The following MYCBP2 variants were observed in gnomAD, a reference collection of about 807,000 sequenced individuals.
MYCBP2 encodes MYC binding protein 2.
Under a neutral mutation model 525.3 loss-of-function variants are expected in MYCBP2, and 120 were observed. The observed-to-expected ratio is 0.23, with a 90% confidence interval of 0.20 to 0.27. The LOEUF is 0.27. Ranked by LOEUF, MYCBP2 falls within the 10% of genes least tolerant of loss-of-function variation. The pLI is 1.00. For missense variants in MYCBP2, 4,149 were observed against 5,657.1 expected, an observed-to-expected ratio of 0.73 and a Z score of 8.55; for synonymous variants, 1,894 against 1,955.8, an observed-to-expected ratio of 0.97 and a Z score of 0.83.
chr13:77,205,153 C>A (rs2063179482), intron 26 of MYCBP2, 103 bp downstream of exon 26: 1 of 1,082,566 alleles, frequency 9.2e-7, no homozygotes, highest in South Asian at 3.8e-5. Flanking sequence ...AAAATAAACC[C>A]AGTTAAAAAG....
At chr13:77,206,600 C>A in intron 24 of MYCBP2, 53 bp downstream of exon 24, 37 of 1,420,660 alleles carry the variant, frequency 2.6e-5, no homozygotes, top group East Asian at 1.2e-4. Flanking sequence ...AAAAAAAAAC[C>A]CTGGACAGCA....
intron 75 of MYCBP2, among the ~76,000 whole-genome samples, 172 bp downstream of exon 75, chr13:77,061,490 C>T (rs369810319): frequency 1.8e-3 from 276 of 152,232 alleles, no homozygotes; most frequent in African/African-American, 6.4e-3. Context: ...TTAAGTGTTT[C>T]TAAGGATAAA....
At chr13:77,260,321 A>C in intron 13 of MYCBP2, 107 bp downstream of exon 13, 1 of 754,430 alleles carries the variant, frequency 1.3e-6, no homozygotes, top group Non-Finnish European at 2.0e-6. Flanking sequence ...AATGTAAAAA[A>C]TGTAGAGAAA....
intron 52 of MYCBP2, among the ~76,000 whole-genome samples, chr13:77,134,943 T>C (rs2053511041): frequency 6.6e-6 from 1 of 152,218 alleles, no homozygotes; most frequent in African/African-American, 2.4e-5. Flanking sequence ...ACAAGATCAC[T>C]TTAAGGATTA....
intron 4 of MYCBP2, among the ~76,000 whole-genome samples, chr13:77,276,816 G>GTTTTTTTTTTTTTTTTTTTTTTTTTT (rs397851660): frequency 1.3e-5 from 1 of 76,232 alleles, no homozygotes; most frequent in Non-Finnish European, 2.3e-5. Flanking sequence ...TCCATGCCCA[G>GTTTTTTTTTTTTTTTTTTTTTTTTTT]TTTTTTTTTT....
At chr13:77,190,187 A>T (rs1025520855) in intron 29 of MYCBP2, 65 bp downstream of exon 29, 5 of 1,027,584 alleles carry the variant, frequency 4.9e-6, no homozygotes, top group Non-Finnish European at 7.2e-6. Flanking sequence ...CACGTTTTGT[A>T]ATGATTCTAC....
In MYCBP2 at chr13:77,144,463, T is replaced by G. The variant is rs1405050024; in HGVS notation, c.7285A>C (p.Ile2429Leu). 6.2e-7 allele frequency: 1 copy of G among 1,612,038 alleles called. No individual in the cohort carries two copies. The highest frequency in any genetic ancestry group is 2.2e-5 in the East Asian group (1 of 44,862). The change falls in exon 49 of 83, where the codon ATT becomes CTT. Residue 2429 changes from isoleucine to leucine, a missense_variant. This residue lies in a region of MYCBP2 where 692 missense variants were observed against 852.7 expected (regional missense o/e 0.81). Transcript: ENST00000544440. Reference protein sequence around the residue: ...AIGLYTLHVTIDGIEIDAGLE... With the variant: ...AIGLYTLHVTLDGIEIDAGLE... ...AAAATACCGATTTCAATGCCATCAA[T>G]GGTAACATGAAGAGTGTAGAGTCCA... is the stretch of plus-strand genomic sequence containing the variant.
intron 12 of MYCBP2, among the ~76,000 whole-genome samples, chr13:77,260,966 T>C (rs1567082329): frequency 6.6e-6 from 1 of 152,146 alleles, no homozygotes; most frequent in Non-Finnish European, 1.5e-5. Flanking sequence ...GTAATTCACA[T>C]GTATTCTTGT....
At chr13:77,101,038 T>C (rs1381870960) in intron 55 of MYCBP2, among the ~76,000 whole-genome samples, 1 of 152,104 alleles carries the variant, frequency 6.6e-6, no homozygotes, top group East Asian at 1.9e-4. Context: ...ATTAAATCAG[T>C]AGTCATGGCC....
At chr13:77,239,158 T>C (rs564036271) in intron 17 of MYCBP2, among the ~76,000 whole-genome samples, 47 of 152,220 alleles carry the variant, frequency 3.1e-4, no homozygotes, top group Admixed American at 1.6e-3. Context: ...TGATCATCTA[T>C]GAAAAACTTA....
chr13:77,217,288 C>T (rs1217171624), intron 21 of MYCBP2, among the ~76,000 whole-genome samples: 3 of 152,146 alleles, frequency 2.0e-5, no homozygotes, highest in African/African-American at 4.8e-5. Flanking sequence ...TTGATATCTA[C>T]TATGCCCAAA....
chr13:77,280,471 T>A (rs2076075624), intron 3 of MYCBP2, among the ~76,000 whole-genome samples: 1 of 152,234 alleles, frequency 6.6e-6, no homozygotes, highest in African/African-American at 2.4e-5. Flanking sequence ...GGGGCTCTAT[T>A]CTCAAGCCAA....
chr13:77,137,305 A>G (rs2053904648), intron 52 of MYCBP2, among the ~76,000 whole-genome samples: 1 of 152,178 alleles, frequency 6.6e-6, no homozygotes, highest in Non-Finnish European at 1.5e-5. Flanking sequence ...ACTTTTGTTT[A>G]TTGACTTGCT....
chr13:77,297,826 C>T (rs892078701), intron 1 of MYCBP2, among the ~76,000 whole-genome samples: 1 of 152,166 alleles, frequency 6.6e-6, no homozygotes, highest in Non-Finnish European at 1.5e-5. Flanking sequence ...ATCTCATAAA[C>T]AGTTATTGAA....
At chr13:77,255,414 G>A (rs1275521021) in intron 14 of MYCBP2, among the ~76,000 whole-genome samples, 1 of 151,844 alleles carries the variant, frequency 6.6e-6, no homozygotes, top group Non-Finnish European at 1.5e-5. Context: ...ATTACAAAAT[G>A]TCACTGAAGA....
chr13:77,207,623 A>C (rs950338716), intron 23 of MYCBP2, among the ~76,000 whole-genome samples: 3 of 152,178 alleles, frequency 2.0e-5, no homozygotes, highest in Non-Finnish European at 2.9e-5. Flanking sequence ...ACAATTAAAA[A>C]ATTTTAAATT....
chr13:77,084,759 A>G (rs1959142049), intron 62 of MYCBP2, among the ~76,000 whole-genome samples: 1 of 152,112 alleles, frequency 6.6e-6, no homozygotes, highest in Admixed American at 6.6e-5. Context: ...TTCCACTGCT[A>G]GATCCTCCAG....
At chr13:77,270,582 G>A in intron 5 of MYCBP2, 44 bp from the exon 6 acceptor site, 2 of 1,531,160 alleles carry the variant, frequency 1.3e-6, no homozygotes, top group South Asian at 2.5e-5. Context: ...ATTTTTAAAT[G>A]TTACAAACAC....
At chr13:77,111,556 A>G (rs866753096) in intron 55 of MYCBP2, among the ~76,000 whole-genome samples, 48 of 150,424 alleles carry the variant, frequency 3.2e-4, no homozygotes, top group African/African-American at 1.1e-3. Context: ...AGCCAGGAAT[A>G]TAGGTGCAGC....
Sources: gnomAD v4.1 joint callset for allele counts (sites outside exome capture counted in the v4.1 genomes callset) on GRCh38, gnomAD v4.1.1 for gene constraint, gnomAD v4.1.1 regional missense constraint, MANE v1.5 for transcripts, NCBI Gene and HGNC (gene_info 2026-07-23, HGNC 2026-07-21) for gene names.